The following PRKG1 variants were observed in gnomAD, a reference collection of about 807,000 sequenced individuals.
PRKG1 encodes the protein cGMP-dependent protein kinase 1.
A neutral mutation model predicts 88.1 loss-of-function variants in PRKG1; 35 were observed. The observed-to-expected ratio is 0.40, with a 90% CI of 0.30 to 0.53. The LOEUF is 0.53. Ranked by LOEUF, PRKG1 falls within the 20% of genes least tolerant of loss-of-function variation. The pLI is 0.59. For synonymous variants in PRKG1, 303 were observed against 292.5 expected (o/e 1.04, Z -0.37); for missense variants, 540 against 839.8 (o/e 0.64, Z 4.41).
chr10:52,133,454 G>T lies in PRKG1; in HGVS notation c.936-386G>T, dbSNP rs962819083. 2.6e-5 allele frequency among the ~76,000 whole-genome samples: 4 copies of T among 152,180 alleles called. No individual in the cohort carries two copies. In the East Asian group the frequency reaches 5.8e-4, roughly 22 times the overall value. On this transcript the variant is annotated intron_variant, in intron 7 of 17. Transcript: ENST00000373980. ...TATAATGATAAATTCATATACAAATGGATCAGATACTCAGTTTCTAGAAGT... is the reference window on the plus strand; with the variant it reads ...TATAATGATAAATTCATATACAAATTGATCAGATACTCAGTTTCTAGAAGT...
intron 2 of PRKG1, among the ~76,000 whole-genome samples, chr10:51,421,818 G>A (rs1838423941): frequency 6.6e-6 from 1 of 152,128 alleles, no homozygotes; most frequent in South Asian, 2.1e-4. Context: ...TTGAAACACT[G>A]ATATGGAAAA....
At chr10:51,493,075 A>C (rs1278355871) in intron 3 of PRKG1, among the ~76,000 whole-genome samples, 1 of 152,152 alleles carries the variant, frequency 6.6e-6, no homozygotes, top group Middle Eastern at 3.2e-3. Flanking sequence ...GACTTTAACA[A>C]GGTTATATCC....
intron 7 of PRKG1, among the ~76,000 whole-genome samples, chr10:52,094,106 C>G (rs970899278): frequency 2.6e-5 from 4 of 152,010 alleles, no homozygotes; most frequent in Non-Finnish European, 4.4e-5. Flanking sequence ...GCTTAGGGGT[C>G]TATTTCTTTA....
intron 2 of PRKG1, among the ~76,000 whole-genome samples, chr10:51,271,762 G>C (rs556823611): frequency 1.1e-4 from 16 of 152,198 alleles, no homozygotes; most frequent in Non-Finnish European, 1.9e-4. Flanking sequence ...CCTTTTTATG[G>C]CTGCATAGTA....
At chr10:51,646,996 GAAGTT>G (rs1839929939) in intron 3 of PRKG1, among the ~76,000 whole-genome samples, 2 of 151,882 alleles carry the variant, frequency 1.3e-5, no homozygotes, top group Admixed American at 1.3e-4. Context: ...AACTTTTGGA[GAAGTT>G]AATTTAAGAG....
chr10:51,936,623 A>G (rs1048230079), intron 5 of PRKG1, among the ~76,000 whole-genome samples: 5 of 152,004 alleles, frequency 3.3e-5, no homozygotes, highest in Non-Finnish European at 7.4e-5. Flanking sequence ...ACTTCCATTT[A>G]TCATGCTGGG....
rs1040207828 is a variant in PRKG1, at chr10:52,257,515, T to C, written c.1173+5849T>C. ...GCACAGCAATGAAACAGAATAGCTA[T>C]GGAGATCTTTGGGCAGTATTGCCAT... On this transcript the variant is annotated intron_variant, in intron 10 of 17. Transcript: ENST00000373980. Among the ~76,000 whole-genome samples, 2 of 139,672 alleles carry C rather than the reference T, an allele frequency of 1.4e-5. 1 individual carries two copies. Among genetic ancestry groups the C allele is most frequent in the Non-Finnish European group, 3.2e-5 (2 of 61,762 alleles). The allele number at this position is 139,672 out of a possible 152,430, so 91.6% of individuals were successfully genotyped here.
At chr10:52,232,164 A>G (rs1431082233) in intron 9 of PRKG1, among the ~76,000 whole-genome samples, 1 of 152,014 alleles carries the variant, frequency 6.6e-6, no homozygotes, top group Non-Finnish European at 1.5e-5. Flanking sequence ...TTATCCGGGC[A>G]TGATGGTGGG....
At chr10:52,144,040 G>A (rs998624819) in intron 8 of PRKG1, among the ~76,000 whole-genome samples, 3 of 152,064 alleles carry the variant, frequency 2.0e-5, no homozygotes, top group Non-Finnish European at 2.9e-5. Context: ...ATGTTTGGCT[G>A]GTAGCATCCC....
chr10:51,563,501 T>C lies in PRKG1; in HGVS notation c.592+95665T>C, dbSNP rs12414745. Reference sequence around the variant, plus strand: ...TTGCTTTTGGATTCAGAATCTCTCTTTTTAATCATCAGATATACAGCTTGA... The same window carrying C: ...TTGCTTTTGGATTCAGAATCTCTCTCTTTAATCATCAGATATACAGCTTGA... On this transcript the variant is annotated intron_variant, in intron 3 of 17. Coordinates refer to ENST00000373980, the MANE Select transcript of PRKG1 (RefSeq NM_006258.4). Among the ~76,000 whole-genome samples, 494 of 152,214 alleles carry C rather than the reference T, an allele frequency of 3.2e-3. 7 individuals are homozygous for C. In the East Asian group the frequency reaches 0.036, roughly 11 times the overall value.
At chr10:51,741,199 G>T (rs1448732442) in intron 3 of PRKG1, among the ~76,000 whole-genome samples, 1 of 152,008 alleles carries the variant, frequency 6.6e-6, no homozygotes, top group Non-Finnish European at 1.5e-5. Flanking sequence ...GTCATTCTGG[G>T]TGTAAAATAT....
chr10:51,403,115 A>G (rs1837800898), intron 2 of PRKG1, among the ~76,000 whole-genome samples: 1 of 152,184 alleles, frequency 6.6e-6, no homozygotes, highest in Non-Finnish European at 1.5e-5. Flanking sequence ...GATTTAAATT[A>G]GAATTCCTGA....
At chr10:51,529,685 ACACACGCT>A (rs1841969174) in intron 3 of PRKG1, among the ~76,000 whole-genome samples, 1 of 125,366 alleles carries the variant, frequency 8.0e-6, no homozygotes, top group South Asian at 3.3e-4. Context: ...AGACACACAC[ACACACGCT>A]CCTCAGTCCT....
At chr10:51,231,712 T>A (rs868447279) in intron 2 of PRKG1, among the ~76,000 whole-genome samples, 118 of 135,784 alleles carry the variant, frequency 8.7e-4, no homozygotes, top group Middle Eastern at 3.7e-3. Flanking sequence ...TCTGAAACAT[T>A]TTTTTTTTTT....
intron 3 of PRKG1, among the ~76,000 whole-genome samples, chr10:51,760,566 G>C (rs1837994240): frequency 6.6e-6 from 1 of 151,188 alleles, no homozygotes; most frequent in African/African-American, 2.4e-5. Context: ...CTGCCTCCCG[G>C]GTTCAAACGA....
intron 5 of PRKG1, among the ~76,000 whole-genome samples, chr10:51,996,941 C>T (rs183533738): frequency 1.3e-5 from 2 of 151,912 alleles, no homozygotes; most frequent in Non-Finnish European, 2.9e-5. Flanking sequence ...CAAAATTCAG[C>T]CATAAAAAAG....
intron 1 of PRKG1, among the ~76,000 whole-genome samples, chr10:51,006,763 T>C (rs913290846): frequency 1.3e-5 from 2 of 152,002 alleles, no homozygotes; most frequent in Non-Finnish European, 2.9e-5. Context: ...GAAGGAAATA[T>C]TAGAAACTTT....
intron 2 of PRKG1, among the ~76,000 whole-genome samples, chr10:51,165,189 C>A (rs896332516): frequency 5.3e-5 from 8 of 152,182 alleles, no homozygotes; most frequent in Non-Finnish European, 1.0e-4. Context: ...ATCAGACTAA[C>A]AGCAGAACTC....
At chr10:52,115,422 C>A (rs889060238) in intron 7 of PRKG1, among the ~76,000 whole-genome samples, 1 of 152,144 alleles carries the variant, frequency 6.6e-6, no homozygotes, top group African/African-American at 2.4e-5. Flanking sequence ...CCTAGAGCTT[C>A]AGCCATTATA....
Sources: allele counts gnomAD v4.1 joint callset (sites outside exome capture counted in the v4.1 genomes callset), GRCh38; gene constraint gnomAD v4.1.1; transcripts MANE v1.5; gene names NCBI Gene and HGNC (gene_info 2026-07-23, HGNC 2026-07-21).